DIP2C: variants seen among roughly 807,000 people sequenced by gnomAD.
The protein encoded by DIP2C is DIP2 acetate--CoA ligase C (putative), also known as disco-interacting protein 2 homolog C.
DIP2C carries 33 observed loss-of-function variants against 192.4 expected under a neutral mutation model. The ratio of observed to expected loss-of-function variants is 0.17; its 90% CI spans 0.13 to 0.23. DIP2C has a LOEUF of 0.23. DIP2C is among the 10% of genes least tolerant of loss of function. The pLI is 1.00. For missense variants in DIP2C, 1,537 were observed against 2,110.1 expected (o/e 0.73, Z 5.32); for synonymous variants, 979 against 864.1 (o/e 1.13, Z -2.33).
At chr10:542,748 T>TG (rs1039839665) in intron 1 of DIP2C, among the ~76,000 whole-genome samples, 1 of 149,846 alleles carries the variant, frequency 6.7e-6, no homozygotes, top group African/African-American at 2.5e-5. Context: ...GATTGGGGAG[T>TG]GGGGGGTTCT....
At chr10:558,127 A>ATTTG (rs1849007904) in intron 1 of DIP2C, among the ~76,000 whole-genome samples, 1 of 152,212 alleles carries the variant, frequency 6.6e-6, no homozygotes, top group African/African-American at 2.4e-5. Context: ...AATTGGAAAG[A>ATTTG]TAACGCATTG....
At chr10:646,012 T>TA (rs1855431969) in intron 1 of DIP2C, among the ~76,000 whole-genome samples, 1 of 152,232 alleles carries the variant, frequency 6.6e-6, no homozygotes, top group Non-Finnish European at 1.5e-5. Context: ...CACACAGACT[T>TA]AAACACTTTC....
chr10:391,048 G>A (rs1282989917), intron 10 of DIP2C, among the ~76,000 whole-genome samples, 185 bp from the exon 11 acceptor site: 7 of 152,138 alleles, frequency 4.6e-5, no homozygotes, highest in Middle Eastern at 3.2e-3. Context: ...GTGTCCTCAC[G>A]TGTAAAACAG....
chr10:284,805 A>T (rs1289725779), intron 34 of DIP2C, among the ~76,000 whole-genome samples: 1 of 152,248 alleles, frequency 6.6e-6, no homozygotes, highest in African/African-American at 2.4e-5. Flanking sequence ...TAACTGTTTC[A>T]TAATATGTAT....
Position 327,027 on chromosome 10 carries a change from C to G in DIP2C, c.3903G>C (p.Val1301=), listed in dbSNP as rs766041048. ...RAVSTSFGCR[V]NLAICLQGTS... Reference sequence around the variant, plus strand: ...TCACCTGCAAGCAAATCGCCAGGTTCACCCTGCAACCGAACGAGGTGCTGA... The same window carrying G: ...TCACCTGCAAGCAAATCGCCAGGTTGACCCTGCAACCGAACGAGGTGCTGA... Residue 1301 remains valine, a synonymous_variant, in exon 31 of 37, where the codon GTG becomes GTC. Transcript: ENST00000280886. 3.8e-5 allele frequency: 62 copies of G among 1,613,556 alleles called. No homozygotes were observed. The highest frequency in any genetic ancestry group is 4.6e-5 in the Non-Finnish European group (54 of 1,179,826).
At chr10:580,517 A>G (rs756589408) in intron 1 of DIP2C, among the ~76,000 whole-genome samples, 1 of 152,202 alleles carries the variant, frequency 6.6e-6, no homozygotes, top group Non-Finnish European at 1.5e-5. Flanking sequence ...GCCCATAGTT[A>G]TGCACATATG....
chr10:482,076 G>A (rs1032510484), intron 2 of DIP2C, among the ~76,000 whole-genome samples: 1 of 152,224 alleles, frequency 6.6e-6, no homozygotes, highest in African/African-American at 2.4e-5. Context: ...TGAAGGATCA[G>A]GGGAGAAATC....
intron 31 of DIP2C, among the ~76,000 whole-genome samples, chr10:318,716 T>C (rs1956878209): frequency 6.6e-6 from 1 of 152,160 alleles, no homozygotes; most frequent in Non-Finnish European, 1.5e-5. Flanking sequence ...GGAAAGGGCA[T>C]AAAGTTCCTG....
intron 3 of DIP2C, among the ~76,000 whole-genome samples, chr10:463,460 G>A (rs1969953071): frequency 6.6e-6 from 1 of 152,124 alleles, no homozygotes; most frequent in Non-Finnish European, 1.5e-5. Context: ...ACCTCTTCAA[G>A]GAGAACTATA....
At chr10:643,255 C>T (rs1855293028) in intron 1 of DIP2C, among the ~76,000 whole-genome samples, 1 of 149,710 alleles carries the variant, frequency 6.7e-6, no homozygotes, top group South Asian at 2.1e-4. Context: ...TGGCTCAGGC[C>T]TGTAATCCCA....
intron 1 of DIP2C, among the ~76,000 whole-genome samples, chr10:618,995 C>T (rs1158223134): frequency 6.6e-6 from 1 of 152,198 alleles, no homozygotes; most frequent in Admixed American, 6.5e-5. Context: ...CTCATTTCAG[C>T]CCTCACTGTG....
chr10:572,742 G>A (rs933882248), intron 1 of DIP2C, among the ~76,000 whole-genome samples: 18 of 152,080 alleles, frequency 1.2e-4, no homozygotes, highest in African/African-American at 1.9e-4. Flanking sequence ...TCACAGATGC[G>A]GGTTTTCCTC....
intron 4 of DIP2C, among the ~76,000 whole-genome samples, chr10:426,623 T>C (rs1015029634): frequency 6.6e-6 from 1 of 152,178 alleles, no homozygotes; most frequent in Non-Finnish European, 1.5e-5. Flanking sequence ...GTCACAGTAA[T>C]TAAGGCAGTA....
intron 2 of DIP2C, among the ~76,000 whole-genome samples, chr10:474,345 T>C (rs1970891029): frequency 6.6e-6 from 1 of 152,210 alleles, no homozygotes; most frequent in Non-Finnish European, 1.5e-5. Context: ...TAATATTTTA[T>C]CTATTTTCCA....
intron 3 of DIP2C, among the ~76,000 whole-genome samples, chr10:451,166 C>T (rs868405990): frequency 3.9e-5 from 6 of 152,310 alleles, no homozygotes; most frequent in Middle Eastern, 3.4e-3. Flanking sequence ...AACAGGCGTA[C>T]GTACACCTGG....
intron 1 of DIP2C, among the ~76,000 whole-genome samples, chr10:591,252 G>A (rs1250650287): frequency 1.3e-5 from 2 of 152,100 alleles, no homozygotes; most frequent in Admixed American, 6.5e-5. Flanking sequence ...AGCCTCCCGA[G>A]TAGCTGGGAT....
Position 606,611 on chromosome 10 carries a change from T to TTCTCATTGGTTGGGAGGGGA in DIP2C, c.85+82863_85+82882dup, listed in dbSNP as rs1554753920. On this transcript the variant is annotated intron_variant, in intron 1 of 36. Transcript: ENST00000280886. ...CCGTAATTACCTGCTGTGATCCGAA[T>TTCTCATTGGTTGGGAGGGGA]TCTCATTGGTTGGGAGGGGATCTCA... 7.0e-4 allele frequency among the ~76,000 whole-genome samples: 107 copies of TTCTCATTGGTTGGGAGGGGA among 152,006 alleles called. 3 individuals are homozygous for TTCTCATTGGTTGGGAGGGGA. In the South Asian group the frequency reaches 7.3e-3, roughly 10 times the overall value.
intron 4 of DIP2C, among the ~76,000 whole-genome samples, chr10:433,987 G>A (rs1589787083): frequency 6.7e-6 from 1 of 149,414 alleles, no homozygotes; most frequent in Non-Finnish European, 1.5e-5. Context: ...TTAAGTGGCT[G>A]CCTTGGGATT....
In DIP2C at chr10:581,456, AGAGGTTT is replaced by A. The variant is rs1240604863; in HGVS notation, c.86-94933_86-94927del. On this transcript the variant is annotated intron_variant, in intron 1 of 36. Transcript: ENST00000280886. ...AAAGGTGCTAATCAAAAATGTACTTAGAGGTTTTTTTTAAAGTTATATTTGAAGATTT... is the reference window on the plus strand; with the variant it reads ...AAAGGTGCTAATCAAAAATGTACTTATTTTTAAAGTTATATTTGAAGATTT... 6.1e-4 allele frequency among the ~76,000 whole-genome samples: 92 copies of A among 150,430 alleles called. No homozygotes were observed. In the East Asian group the frequency reaches 0.013, roughly 21 times the overall value.
Sources: allele counts gnomAD v4.1 joint callset (sites outside exome capture counted in the v4.1 genomes callset), GRCh38; gene constraint gnomAD v4.1.1; transcripts MANE v1.5; gene names NCBI Gene and HGNC (gene_info 2026-07-23, HGNC 2026-07-21).